The following CDH4 variants were observed in gnomAD, a reference collection of about 807,000 sequenced individuals.
CDH4 encodes the protein cadherin 4, also known as cadherin-4.
CDH4 carries 33 observed loss-of-function variants against 86.0 expected under a neutral mutation model. The observed-to-expected ratio is 0.38, with a 90% CI of 0.29 to 0.51. The LOEUF is 0.51. Among genes scored for constraint, CDH4 ranks in the 20% least tolerant of loss-of-function variants. CDH4 has a pLI of 0.86. For synonymous variants in CDH4, 555 were observed against 549.4 expected (o/e 1.01, Z -0.14); for missense variants, 1,114 against 1,307.4 (o/e 0.85, Z 2.28).
intron 2 of CDH4, among the ~76,000 whole-genome samples, chr20:61,304,761 TTGTG>T (rs1249877529): frequency 6.8e-6 from 1 of 146,572 alleles, no homozygotes; most frequent in Non-Finnish European, 1.5e-5. Flanking sequence ...AGTGTGCATG[TTGTG>T]TGTGTGGGGT....
At chr20:61,352,848 G>A (rs891873357) in intron 2 of CDH4, among the ~76,000 whole-genome samples, 1 of 152,124 alleles carries the variant, frequency 6.6e-6, no homozygotes, top group Non-Finnish European at 1.5e-5. Context: ...GCAGCCAGGA[G>A]CCCATCACCC....
chr20:61,564,495 C>T (rs1250659220), intron 2 of CDH4, among the ~76,000 whole-genome samples: 3 of 152,064 alleles, frequency 2.0e-5, no homozygotes, highest in Non-Finnish European at 4.4e-5. Context: ...GTTTAAAAGA[C>T]TGTGGCACCT....
rs950972937 is a variant in CDH4 at position 61,544,374 on chromosome 20, C to T, written c.170-199189C>T. 5.3e-5 allele frequency among the ~76,000 whole-genome samples: 8 copies of T among 151,866 alleles called. No homozygotes were observed. Among genetic ancestry groups the T allele is most frequent in the Non-Finnish European group, 7.4e-5 (5 of 67,954 alleles). ...TCACTCGTGTCCAGGCCGAGAAACCCGACGTAGAAATCCAGCTTGCCCAGG... is the reference window on the plus strand; with the variant it reads ...TCACTCGTGTCCAGGCCGAGAAACCTGACGTAGAAATCCAGCTTGCCCAGG... On this transcript the variant is annotated intron_variant, in intron 2 of 15. Transcript: ENST00000614565. This position sits in a 1 kb window ranked among gnomAD's most constrained non-coding sequence, Gnocchi z 6.5.
chr20:61,561,650 T>G (rs1019873171), intron 2 of CDH4, among the ~76,000 whole-genome samples: 3 of 152,222 alleles, frequency 2.0e-5, no homozygotes, highest in Non-Finnish European at 2.9e-5. Flanking sequence ...CAAATAAAGT[T>G]TTATTGGAAC....
At chr20:61,299,336 C>T (rs1193850402) in intron 2 of CDH4, among the ~76,000 whole-genome samples, 4 of 152,148 alleles carry the variant, frequency 2.6e-5, no homozygotes, top group Admixed American at 1.3e-4. Flanking sequence ...AGAGGGAGCA[C>T]GGCCCTGCAG....
chr20:61,383,079 A>C (rs1600921904), intron 2 of CDH4, among the ~76,000 whole-genome samples: 1 of 113,492 alleles, frequency 8.8e-6, no homozygotes, highest in Non-Finnish European at 1.7e-5. Flanking sequence ...TATATATAAT[A>C]TATATATGAA....
chr20:61,882,864 C>T (rs1035246106), intron 7 of CDH4, among the ~76,000 whole-genome samples: 3 of 151,230 alleles, frequency 2.0e-5, no homozygotes, highest in East Asian at 2.0e-4. Flanking sequence ...ACCCGGCCGG[C>T]CCCGCAGGTG....
At chr20:61,934,700 A>G (rs1191137742) in intron 15 of CDH4, among the ~76,000 whole-genome samples, 2 of 152,052 alleles carry the variant, frequency 1.3e-5, no homozygotes, top group Non-Finnish European at 2.9e-5. Flanking sequence ...GCCTGGTCTC[A>G]GGGCCCAGGC....
At chr20:61,773,591 G>A (rs1241222648) in intron 4 of CDH4, among the ~76,000 whole-genome samples, 1 of 152,084 alleles carries the variant, frequency 6.6e-6, no homozygotes, top group African/African-American at 2.4e-5. Context: ...GCGCCGTGCC[G>A]CGGTCTGTCT....
At chr20:61,496,311 A>G (rs1419585955) in intron 2 of CDH4, among the ~76,000 whole-genome samples, 5 of 151,962 alleles carry the variant, frequency 3.3e-5, no homozygotes, top group African/African-American at 1.2e-4. Context: ...CTGAGGCAGG[A>G]GGATCACTTG....
intron 2 of CDH4, among the ~76,000 whole-genome samples, chr20:61,404,408 G>A (rs1412260274): frequency 6.6e-6 from 1 of 152,128 alleles, no homozygotes; most frequent in Non-Finnish European, 1.5e-5. Flanking sequence ...GTGCTTTTGT[G>A]TCAAGGCATC....
At chr20:61,897,979 C>T (rs961318093) in intron 8 of CDH4, among the ~76,000 whole-genome samples, 8 of 152,198 alleles carry the variant, frequency 5.3e-5, no homozygotes, top group East Asian at 1.9e-4. Flanking sequence ...GGACAATGGA[C>T]GGATGACCCT....
chr20:61,309,830 A>T (rs2084436225), intron 2 of CDH4, among the ~76,000 whole-genome samples: 1 of 152,144 alleles, frequency 6.6e-6, no homozygotes, highest in African/African-American at 2.4e-5. Context: ...AAGAGTTAGG[A>T]CAGTTTCGTC....
intron 2 of CDH4, among the ~76,000 whole-genome samples, chr20:61,520,890 C>T (rs1440528208): frequency 6.6e-6 from 1 of 152,198 alleles, no homozygotes; most frequent in Non-Finnish European, 1.5e-5. Flanking sequence ...AAACAGGCAA[C>T]CGCACTTAGT....
At chr20:61,390,273 C>T (rs1295811460) in intron 2 of CDH4, among the ~76,000 whole-genome samples, 25 of 139,936 alleles carry the variant, frequency 1.8e-4, no homozygotes, top group Middle Eastern at 4.6e-3. Context: ...TCATAGGGTG[C>T]CCATAGTGCC....
At chr20:61,270,503 A>G (rs2123136923) in intron 2 of CDH4, among the ~76,000 whole-genome samples, 1 of 152,320 alleles carries the variant, frequency 6.6e-6, no homozygotes, top group Admixed American at 6.5e-5. Context: ...TGTTTTCTTG[A>G]GAAGAGAGAG....
At chr20:61,917,437 C>T (rs2054915678) in intron 9 of CDH4, among the ~76,000 whole-genome samples, 1 of 152,262 alleles carries the variant, frequency 6.6e-6, no homozygotes, top group African/African-American at 2.4e-5. Flanking sequence ...AAGAACCGGC[C>T]TCTGCCACTT....
intron 2 of CDH4, among the ~76,000 whole-genome samples, chr20:61,706,467 A>G (rs1265983425): frequency 6.6e-6 from 1 of 152,188 alleles, no homozygotes; most frequent in African/African-American, 2.4e-5. Context: ...ACATGATGAG[A>G]GAAAAGGCTG....
chr20:61,419,918 A>T (rs995201273), intron 2 of CDH4, among the ~76,000 whole-genome samples: 2 of 152,212 alleles, frequency 1.3e-5, no homozygotes, highest in African/African-American at 4.8e-5. Flanking sequence ...TCAGTCGGTG[A>T]TCATCCTGAG....
Sources: allele counts gnomAD v4.1 joint callset (sites outside exome capture counted in the v4.1 genomes callset), GRCh38; gene constraint gnomAD v4.1.1; non-coding constraint Gnocchi (gnomAD v3.1); transcripts MANE v1.5; gene names NCBI Gene and HGNC (gene_info 2026-07-23, HGNC 2026-07-21).